Variants in PCDH17 observed in about 807,000 individuals in gnomAD.
The protein encoded by PCDH17 is protocadherin 17.
In PCDH17, 21 loss-of-function variants were observed where a neutral mutation model predicts 67.7. The observed-to-expected ratio is 0.31, with a 90% confidence interval of 0.22 to 0.45. PCDH17 has a LOEUF of 0.45. Among genes scored for constraint, PCDH17 ranks in the 20% least tolerant of loss-of-function variants. The pLI is 1.00. For missense variants in PCDH17, 1,471 were observed against 1,564.8 expected (o/e 0.94, Z 1.01); for synonymous variants, 701 against 656.7 (o/e 1.07, Z -1.03).
At chr13:57,660,435 T>TA (rs956781695) in intron 1 of PCDH17, among the ~76,000 whole-genome samples, 4 of 152,084 alleles carry the variant, frequency 2.6e-5, no homozygotes, top group African/African-American at 7.2e-5. Flanking sequence ...TTGAGAATAT[T>TA]AAAAAAATAA....
At chr13:57,639,274 A>G (rs2137980134) in intron 1 of PCDH17, among the ~76,000 whole-genome samples, 1 of 152,082 alleles carries the variant, frequency 6.6e-6, no homozygotes, top group Non-Finnish European at 1.5e-5. Context: ...CATTAAAAGT[A>G]GTGTAAAGTA....
chr13:57,633,660 G>A lies in PCDH17; in HGVS notation c.1114G>A (p.Ala372Thr). The change falls in exon 1 of 4, where the codon GCC becomes ACC. Residue 372 changes from alanine (A) to threonine (T), a missense_variant. Physicochemically the swap from Ala to Thr is moderately conservative, Grantham distance 58. Around this residue, in one of 3 missense-constraint regions of PCDH17, gnomAD observed 1,163 missense variants for 1,230.0 expected, o/e 0.95. Coordinates refer to ENST00000377918, the MANE Select transcript of PCDH17 (RefSeq NM_001040429.3). The surrounding 1 kb of genome is among the most constrained non-coding windows in gnomAD (Gnocchi z 6.2). Reference protein sequence around the residue: ...SEAAPPGTVIALVRVTDRDSG... With the variant: ...SEAAPPGTVITLVRVTDRDSG... ...GGCCGCCCCTCCCGGCACCGTCATC[G>A]CCCTGGTGCGGGTCACTGACCGGGA... is the stretch of plus-strand genomic sequence containing the variant. 6.2e-7 allele frequency: 1 copy of A among 1,606,710 alleles called. No individual in the cohort carries two copies. The highest frequency in any genetic ancestry group is 8.5e-7 in the Non-Finnish European group (1 of 1,179,942).
At chr13:57,684,938 A>G (rs1218033454) in intron 3 of PCDH17, among the ~76,000 whole-genome samples, 1 of 151,994 alleles carries the variant, frequency 6.6e-6, no homozygotes, top group East Asian at 1.9e-4. Context: ...TATCAGTTCA[A>G]TAATGTCAAA....
chr13:57,634,101 G>T lies in PCDH17; in HGVS notation c.1555G>T (p.Val519Leu), dbSNP rs771668366. 1.2e-6 allele frequency: 2 copies of T among 1,612,950 alleles called. No homozygotes were observed. The highest frequency in any genetic ancestry group is 8.5e-7 in the Non-Finnish European group (1 of 1,179,866). ...TATCCTGCCCTCGCACATCGGCGAC[G>T]TGTCTATCTACACCTATGTGTCTGT... ...YSILPSHIGD[V>L]SIYTYVSVNP... Residue 519 changes from valine to leucine, a missense_variant, in exon 1 of 4, where the codon GTG (valine) becomes TTG (leucine). By Grantham distance (32) the Val-to-Leu change is conservative (BLOSUM62 1). Transcript: ENST00000377918. This position sits in a 1 kb window ranked among gnomAD's most constrained non-coding sequence, Gnocchi z 7.8.
chr13:57,724,939 CGTGCA>C lies in PCDH17; in HGVS notation c.3126_3130del (p.Cys1043ArgfsTer14). On this transcript the variant is annotated frameshift_variant, in exon 4 of 4. Transcript: ENST00000377918. LOFTEE classifies it high-confidence loss of function. The stretch of plus-strand genomic sequence containing the variant: ...TCAGCATCAAGCAGCCCAACCAAGG[CGTGCA>C]TCGAGCCTTGCACCTCAACAAAAGG... The C allele has an allele frequency of 6.2e-7, 1 of 1,614,158 alleles. No individual in the cohort carries two copies. The highest frequency in any genetic ancestry group is 1.7e-5 in the Admixed American group (1 of 60,022).
In PCDH17 at chr13:57,666,670, G is replaced by A. The variant is rs372981543; in HGVS notation, c.2634G>A (p.Thr878=). ...SRQQFVQSSS[T]FKDPERASLR... The stretch of plus-strand genomic sequence containing the variant: ...TTTATATGTATTTCAGTAGCTCCAC[G>A]TTTAAGGACCCAGAAAGAGCCAGCC... Residue 878 remains threonine (T), a synonymous_variant, in exon 3 of 4, where the codon ACG becomes ACA. Transcript: ENST00000377918. 1.2e-5 allele frequency: 20 copies of A among 1,611,332 alleles called. No individual in the cohort carries two copies. Among genetic ancestry groups the A allele is most frequent in the Admixed American group, 3.4e-5 (2 of 59,572 alleles).
At chr13:57,668,261 G>C (rs1955279445) in intron 3 of PCDH17, among the ~76,000 whole-genome samples, 2 of 152,072 alleles carry the variant, frequency 1.3e-5, no homozygotes, top group South Asian at 4.1e-4. Flanking sequence ...GTTGAAACTT[G>C]ATATGTAAAT....
intron 3 of PCDH17, among the ~76,000 whole-genome samples, chr13:57,704,837 T>C (rs904891263): frequency 5.9e-5 from 9 of 152,084 alleles, no homozygotes; most frequent in Admixed American, 1.3e-4. Context: ...TGAGGTATGT[T>C]ATGTAACTTG....
chr13:57,663,115 AC>A, intron 1 of PCDH17, among the ~76,000 whole-genome samples: 1 of 152,196 alleles, frequency 6.6e-6, no homozygotes, highest in African/African-American at 2.4e-5. Context: ...TTTTTAAAAT[AC>A]CTACTTGAAA....
chr13:57,636,713 A>G (rs1482689574), intron 1 of PCDH17, among the ~76,000 whole-genome samples: 3 of 152,194 alleles, frequency 2.0e-5, no homozygotes, highest in Admixed American at 6.5e-5. Context: ...ATGATAATCA[A>G]TACGTATTTA....
At chr13:57,710,252 T>C (rs1012369672) in intron 3 of PCDH17, among the ~76,000 whole-genome samples, 31 of 151,992 alleles carry the variant, frequency 2.0e-4, no homozygotes, top group Non-Finnish European at 7.4e-5. Context: ...AAATTCCTCT[T>C]TCCTTTTGGA....
chr13:57,674,156 C>T (rs1360827279), intron 3 of PCDH17, among the ~76,000 whole-genome samples: 2 of 151,888 alleles, frequency 1.3e-5, no homozygotes, highest in Non-Finnish European at 2.9e-5. Context: ...TTGAGAATCT[C>T]TTGCTTTTGC....
chr13:57,643,113 G>A (rs1310984953), intron 1 of PCDH17, among the ~76,000 whole-genome samples: 1 of 151,270 alleles, frequency 6.6e-6, no homozygotes, highest in African/African-American at 2.4e-5. Flanking sequence ...TTTTCACGGC[G>A]ACATAGAAAT....
chr13:57,639,560 T>A (rs1954865361), intron 1 of PCDH17, among the ~76,000 whole-genome samples: 1 of 152,056 alleles, frequency 6.6e-6, no homozygotes, highest in African/African-American at 2.4e-5. Context: ...ACTTCTTGAT[T>A]CCATTAGCTT....
In PCDH17 at chr13:57,729,066, A is replaced by C. The variant is rs1004433876; in HGVS notation, c.*3772A>C. The C allele has an allele frequency of 6.6e-6, 1 of 152,086 alleles. No homozygotes were observed. Among genetic ancestry groups the C allele is most frequent in the Non-Finnish European group, 1.5e-5 (1 of 67,972 alleles). The allele number at this position is 152,086 out of a possible 1,614,324, so 9.4% of individuals were successfully genotyped here. ...TGGCTATCAAGATGTGTTGATTCTA[A>C]ATATTATTGAATGAGACCTGATTAA... On this transcript the variant is annotated 3_prime_UTR_variant, in exon 4 of 4. Transcript: ENST00000377918.
intron 3 of PCDH17, among the ~76,000 whole-genome samples, chr13:57,709,306 T>C (rs1412243371): frequency 6.6e-6 from 1 of 151,708 alleles, no homozygotes; most frequent in Non-Finnish European, 1.5e-5. Context: ...GTGACTTTAA[T>C]TTTTGGGGCC....
chr13:57,632,789 C>A lies in PCDH17; in HGVS notation c.243C>A (p.Ser81Arg), dbSNP rs764677902. 6.2e-7 allele frequency: 1 copy of A among 1,613,286 alleles called. No homozygotes were observed. Among genetic ancestry groups the A allele is most frequent in the Non-Finnish European group, 8.5e-7 (1 of 1,179,948 alleles). The change falls in exon 1 of 4, where the codon AGC becomes AGA. Residue 81 changes from serine (S) to arginine (R), a missense_variant. By Grantham distance (110) the Ser-to-Arg change is moderately radical (BLOSUM62 -1). Around this residue, in one of 3 missense-constraint regions of PCDH17, gnomAD observed 1,163 missense variants for 1,230.0 expected, o/e 0.95. Transcript: ENST00000377918. ...APHLLDVDAD[S>R]GLLYTKQRID... Reference sequence around the variant, plus strand: ...ACCTGCTGGACGTGGACGCAGACAGCGGGCTCCTCTACACCAAGCAGCGCA... The same window carrying A: ...ACCTGCTGGACGTGGACGCAGACAGAGGGCTCCTCTACACCAAGCAGCGCA...
intron 3 of PCDH17, among the ~76,000 whole-genome samples, chr13:57,673,840 T>C (rs1415534069): frequency 6.6e-6 from 1 of 151,990 alleles, no homozygotes; most frequent in African/African-American, 2.4e-5. Flanking sequence ...TCAGTGTCAA[T>C]TTTCCCACCC....
chr13:57,710,200 G>A (rs186410572), intron 3 of PCDH17, among the ~76,000 whole-genome samples: 24 of 151,148 alleles, frequency 1.6e-4, no homozygotes, highest in Admixed American at 1.3e-3. Context: ...CTTCACTGTT[G>A]CCACCTGAAT....
Sources: gnomAD v4.1 joint callset for allele counts (sites outside exome capture counted in the v4.1 genomes callset) on GRCh38, gnomAD v4.1.1 for gene constraint, gnomAD v4.1.1 regional missense constraint, Gnocchi (gnomAD v3.1) non-coding constraint, MANE v1.5 for transcripts, NCBI Gene and HGNC (gene_info 2026-07-23, HGNC 2026-07-21) for gene names.